Variants in HEATR5B observed in about 807,000 individuals in gnomAD.
The protein encoded by HEATR5B is HEAT repeat containing 5B, also known as HEAT repeat-containing protein 5B.
In HEATR5B, 156 loss-of-function variants were observed where a neutral mutation model predicts 224.1. The observed-to-expected ratio is 0.70, with a 90% CI of 0.61 to 0.80. The LOEUF is 0.80. HEATR5B is among the 30% of genes least tolerant of loss of function. HEATR5B has a pLI of 0.00. For missense variants in HEATR5B, 2,323 were observed against 2,535.5 expected (o/e 0.92, Z 1.80); for synonymous variants, 1,027 against 893.0 (o/e 1.15, Z -2.68).
At chr2:36,989,847 C>A (rs944524950) in intron 34 of HEATR5B, among the ~76,000 whole-genome samples, 1 of 150,264 alleles carries the variant, frequency 6.7e-6, no homozygotes, top group African/African-American at 2.5e-5. Context: ...TTGGAGCCAC[C>A]TATCTGGAGA....
intron 31 of HEATR5B, 85 bp downstream of exon 31, chr2:37,003,457 T>C (rs1207899112): frequency 1.0e-5 from 10 of 1,000,242 alleles, no homozygotes; most frequent in Middle Eastern, 2.9e-4. Flanking sequence ...ATAAGAACTA[T>C]AGAAATATGT....
chr2:37,024,442 G>C (rs951683816), intron 24 of HEATR5B, among the ~76,000 whole-genome samples: 19 of 152,154 alleles, frequency 1.2e-4, no homozygotes, highest in African/African-American at 4.6e-4. Context: ...TTGTTAATTT[G>C]CTAGATTTAA....
chr2:37,000,674 T>C lies in HEATR5B; in HGVS notation c.5457A>G (p.Ser1819=), dbSNP rs1163226061. The C allele has an allele frequency of 2.5e-6, 4 of 1,614,086 alleles. No homozygotes were observed. Among genetic ancestry groups the C allele is most frequent in the Non-Finnish European group, 3.4e-6 (4 of 1,180,042 alleles). ...GAACGCCAGCCTCAGTTTTGGCCAT[T>C]GAAAGTGTCACAATACTTTTAATCC... ...LQGIKSIVTL[S]MAKTEAGVQK... The change falls in exon 33 of 36, where the codon TCA becomes TCG. Residue 1819 remains serine (S), a synonymous_variant. Transcript: ENST00000233099.
intron 30 of HEATR5B, among the ~76,000 whole-genome samples, chr2:37,004,873 C>A (rs1054820096): frequency 6.6e-6 from 1 of 152,136 alleles, no homozygotes; most frequent in African/African-American, 2.4e-5. Context: ...CTAGTGTTAT[C>A]ATTTCTCTGG....
At chr2:36,991,089 A>T (rs894314345) in intron 33 of HEATR5B, among the ~76,000 whole-genome samples, 1 of 152,346 alleles carries the variant, frequency 6.6e-6, no homozygotes, top group Middle Eastern at 3.4e-3. Context: ...AAGAAGTTCA[A>T]TGTATAAAGT....
At chr2:37,052,032 G>A (rs955318417) in intron 17 of HEATR5B, among the ~76,000 whole-genome samples, 1 of 152,024 alleles carries the variant, frequency 6.6e-6, no homozygotes, top group Non-Finnish European at 1.5e-5. Flanking sequence ...AAGCCACCAC[G>A]CCCAGCCCCA....
chr2:37,028,977 A>G, intron 22 of HEATR5B, 57 bp from the exon 23 acceptor site: 1 of 1,540,694 alleles, frequency 6.5e-7, no homozygotes, highest in Middle Eastern at 1.7e-4. Context: ...CGCTATAGGT[A>G]ACAATTATGA....
At position 37,004,896 on chromosome 2, in the gene HEATR5B, A is replaced by T. The variant is rs1185544825; in HGVS notation, c.4905+736T>A. ...ATCATTTCTCTGGAATTATGAAAAA[A>T]GCCTCAGAACTGGCCTCCCTGTCTC... On this transcript the variant is annotated intron_variant, in intron 30 of 35. Transcript: ENST00000233099. 2.6e-5 allele frequency among the ~76,000 whole-genome samples: 4 copies of T among 152,118 alleles called. No homozygotes were observed. The East Asian group carries it at 7.7e-4, about 29-fold the overall frequency.
At chr2:37,042,216 G>A (rs1669916787) in intron 18 of HEATR5B, among the ~76,000 whole-genome samples, 1 of 152,146 alleles carries the variant, frequency 6.6e-6, no homozygotes, top group Non-Finnish European at 1.5e-5. Context: ...TATACAGTAT[G>A]TAACCACCAC....
In HEATR5B at chr2:37,056,514, A is replaced by G. The variant is rs568555391; in HGVS notation, c.2325T>C (p.Pro775=). 1.9e-6 allele frequency: 3 copies of G among 1,613,520 alleles called. No individual in the cohort carries two copies. The highest frequency in any genetic ancestry group is 3.3e-5 in the Admixed American group (2 of 59,942). The change falls in exon 16 of 36, where the codon CCT becomes CCC. Residue 775 remains proline, a synonymous_variant. Coordinates refer to ENST00000233099, the MANE Select transcript of HEATR5B (RefSeq NM_019024.3). The part of the protein sequence containing the change: ...PAGEAVPGPL[P]LGVSVIDASV... ...AAGCATCAATGACTGAGACTCCGAG[A>G]GGGAGGGGACCAGGTACTGCTTCTC...
rs761719924 is a variant in HEATR5B at position 37,041,196 on chromosome 2, A to G, written c.2793T>C (p.His931=). The change falls in exon 19 of 36, where the codon CAT becomes CAC. Residue 931 remains histidine (H), a synonymous_variant. Transcript: ENST00000233099. Reference sequence around the variant, plus strand: ...ATAAAATGCTGACACTGGTCTTCAGATGTTGTCCTGAGCCTATTCCACCAA... The same window carrying G: ...ATAAAATGCTGACACTGGTCTTCAGGTGTTGTCCTGAGCCTATTCCACCAA... ...RYVGGIGSGQ[H]LKTSVSILLA... is the part of the protein sequence containing the mutation. 6.2e-7 allele frequency: 1 copy of G among 1,614,122 alleles called. No individual in the cohort carries two copies. The highest frequency in any genetic ancestry group is 8.5e-7 in the Non-Finnish European group (1 of 1,179,982).
intron 27 of HEATR5B, among the ~76,000 whole-genome samples, chr2:37,012,953 G>A (rs1667880621): frequency 6.6e-6 from 1 of 152,122 alleles, no homozygotes; most frequent in Admixed American, 6.6e-5. Context: ...TTACCCTTTG[G>A]TACATCTACT....
rs1299374318 is a variant in HEATR5B at position 37,008,956 on chromosome 2, G to A, written c.4285-108C>T. ...AAATCATCAAAGATAACTGGGTATAGATATTAGAAAGTATACACTTTGGCT... is the reference window on the plus strand; with the variant it reads ...AAATCATCAAAGATAACTGGGTATAAATATTAGAAAGTATACACTTTGGCT... On this transcript the variant is annotated intron_variant, in intron 27 of 35. Transcript: ENST00000233099. 3.7e-6 allele frequency: 3 copies of A among 818,588 alleles called. No homozygotes were observed. The African/African-American group carries it at 5.2e-5, about 14-fold the overall frequency. 50.7% of individuals were successfully genotyped at this position (818,588 alleles called of 1,614,324 possible).
At chr2:37,002,656 A>G (rs1667170311) in intron 31 of HEATR5B, 84 bp from the exon 32 acceptor site, 1 of 1,370,588 alleles carries the variant, frequency 7.3e-7, no homozygotes, top group Admixed American at 2.3e-5. Flanking sequence ...AATTCCTTCA[A>G]AAGAATTTAT....
Position 37,007,231 on chromosome 2 carries a change from G to C in HEATR5B, c.4596C>G (p.Leu1532=). ...LHYRNSWAPI[L]HAVALWLNST... ...TATTTAACCAAAGTGCCACCGCATG[G>C]AGAATTGGGGCCCAGGAATTCCGAT... The change falls in exon 29 of 36, where the codon CTC becomes CTG. Residue 1532 remains leucine (L), a synonymous_variant. Transcript: ENST00000233099. 6.2e-7 allele frequency: 1 copy of C among 1,613,990 alleles called. No individual in the cohort carries two copies. The highest frequency in any genetic ancestry group is 8.5e-7 in the Non-Finnish European group (1 of 1,180,008).
At chr2:37,021,886 C>CA (rs3080799) in intron 24 of HEATR5B, among the ~76,000 whole-genome samples, 102 of 126,494 alleles carry the variant, frequency 8.1e-4, no homozygotes, top group Middle Eastern at 4.6e-3. Flanking sequence ...GACCCTGTTT[C>CA]AAAAAAAAAA....
At chr2:37,037,088 C>G (rs1441197395) in intron 21 of HEATR5B, among the ~76,000 whole-genome samples, 1 of 143,812 alleles carries the variant, frequency 7.0e-6, no homozygotes, top group African/African-American at 2.6e-5. Context: ...AACAGATACT[C>G]AGAAGTATCA....
chr2:37,079,788 C>G (rs184079548), intron 2 of HEATR5B, among the ~76,000 whole-genome samples: 61 of 152,300 alleles, frequency 4.0e-4, no homozygotes, highest in African/African-American at 1.4e-3. Context: ...ATACCCAGCT[C>G]TACCCATAAT....
chr2:37,056,061 G>C (rs1485184641), intron 16 of HEATR5B, among the ~76,000 whole-genome samples: 1 of 151,954 alleles, frequency 6.6e-6, no homozygotes, highest in East Asian at 1.9e-4. Flanking sequence ...TTAGCAAACT[G>C]ATGTCCTTAA....
Sources: gnomAD v4.1 joint callset for allele counts (sites outside exome capture counted in the v4.1 genomes callset) on GRCh38, gnomAD v4.1.1 for gene constraint, MANE v1.5 for transcripts, NCBI Gene and HGNC (gene_info 2026-07-23, HGNC 2026-07-21) for gene names.